Variants in MYO18B observed in about 807,000 individuals in gnomAD.
The protein encoded by MYO18B is myosin XVIIIB, also known as unconventional myosin-XVIIIb.
A neutral mutation model predicts 273.0 loss-of-function variants in MYO18B; 204 were observed. That is an observed-to-expected ratio of 0.75 (90% confidence interval 0.67 to 0.84). The LOEUF (loss-of-function observed/expected upper bound fraction) is 0.84, where lower values mean the gene tolerates loss of function less well. Among genes scored for constraint, MYO18B ranks in the 40% least tolerant of loss-of-function variants. The pLI is 0.00. For missense variants in MYO18B, 3,212 were observed against 3,287.6 expected (o/e 0.98, Z 0.56); for synonymous variants, 1,330 against 1,305.7 (o/e 1.02, Z -0.40).
intron 35 of MYO18B, among the ~76,000 whole-genome samples, chr22:25,947,447 A>G (rs959678426): frequency 1.3e-5 from 2 of 151,054 alleles, no homozygotes; most frequent in Non-Finnish European, 2.9e-5. Flanking sequence ...AAATTCATAC[A>G]CACATACACC....
chr22:25,964,182 A>C (rs1411495953), intron 39 of MYO18B: 1 of 153,108 alleles, frequency 6.5e-6, no homozygotes, highest in African/African-American at 2.4e-5. Flanking sequence ...GTGAGGGGGG[A>C]AGGGGACACC....
chr22:25,788,371 G>A (rs1266018387), intron 11 of MYO18B, among the ~76,000 whole-genome samples: 9 of 152,192 alleles, frequency 5.9e-5, no homozygotes, highest in Non-Finnish European at 1.2e-4. Flanking sequence ...GTCAGGCTTA[G>A]CAAATCATAC....
chr22:25,970,996 TAGCAACTGGA>T (rs2093031106), intron 39 of MYO18B, among the ~76,000 whole-genome samples: 1 of 152,212 alleles, frequency 6.6e-6, no homozygotes, highest in African/African-American at 2.4e-5. Flanking sequence ...TGCACACAGG[TAGCAACTGGA>T]TGCTCTGATC....
At position 25,847,531 on chromosome 22, in the gene MYO18B, A is replaced by G. The variant is rs1413051696; in HGVS notation, c.3654A>G (p.Pro1218=). 1 of 1,574,454 alleles carries G rather than the reference A, an allele frequency of 6.4e-7. No individual in the cohort carries two copies. The highest frequency in any genetic ancestry group is 1.4e-5 in the African/African-American group (1 of 73,840). Residue 1218 remains proline, a synonymous_variant, in exon 20 of 44, where the codon CCA becomes CCG. Coordinates refer to ENST00000335473, the MANE Select transcript of MYO18B (RefSeq NM_032608.7). ...VESRSGQESP[P]PPQPGRDKPG... Reference sequence around the variant, plus strand: ...GCAGGAGTGGGCAGGAATCTCCACCACCACCGCAGCCTGGTAGAGACAAGC... The same window carrying G: ...GCAGGAGTGGGCAGGAATCTCCACCGCCACCGCAGCCTGGTAGAGACAAGC...
intron 11 of MYO18B, among the ~76,000 whole-genome samples, chr22:25,792,081 T>C (rs551025217): frequency 2.6e-5 from 4 of 152,326 alleles, no homozygotes; most frequent in African/African-American, 9.6e-5. Flanking sequence ...GGGTCACTTC[T>C]CCCAGCCTCA....
intron 36 of MYO18B, 28 bp downstream of exon 36, chr22:25,947,856 GC>G: frequency 6.4e-7 from 1 of 1,569,148 alleles, no homozygotes; most frequent in Non-Finnish European, 8.8e-7. Context: ...GGTGGAAGAA[GC>G]TCAGGGACTT....
chr22:25,895,532 A>T lies in MYO18B; in HGVS notation c.4668+252A>T, dbSNP rs923968802. 6.8e-5 allele frequency: 24 copies of T among 352,690 alleles called. 1 individual carries two copies. In the Admixed American group the frequency reaches 8.4e-4, roughly 12 times the overall value. The allele number at this position is 352,690 out of a possible 1,614,324, so 21.8% of individuals were successfully genotyped here. A position where few individuals can be genotyped will look rare whatever the true frequency, so the allele number is the denominator to read the frequency against. On this transcript the variant is annotated intron_variant, in intron 28 of 43. Transcript: ENST00000335473. Reference sequence around the variant, plus strand: ...TAAAGAACATGGATATTAACTCAGGATATCTGAGTTCCAGTTCCATTTCTA... The same window carrying T: ...TAAAGAACATGGATATTAACTCAGGTTATCTGAGTTCCAGTTCCATTTCTA...
At chr22:25,985,982 C>T (rs929376216) in intron 39 of MYO18B, among the ~76,000 whole-genome samples, 1 of 152,218 alleles carries the variant, frequency 6.6e-6, no homozygotes, top group African/African-American at 2.4e-5. Flanking sequence ...AGCCTCATTT[C>T]TCCCAGGCAA....
chr22:25,767,542 T>C (rs983688588), intron 3 of MYO18B, among the ~76,000 whole-genome samples: 1 of 152,178 alleles, frequency 6.6e-6, no homozygotes, highest in Admixed American at 6.5e-5. Flanking sequence ...GAAGAGATGG[T>C]AGCCCAGATA....
intron 1 of MYO18B, among the ~76,000 whole-genome samples, chr22:25,760,179 G>A (rs1347910455): frequency 2.0e-5 from 3 of 152,042 alleles, no homozygotes; most frequent in Non-Finnish European, 4.4e-5. Context: ...ACTTTGGGAG[G>A]CTGAAGCAGG....
chr22:25,955,056 GTATTCT>G, intron 38 of MYO18B, 117 bp from the exon 39 acceptor site: 1 of 1,045,892 alleles, frequency 9.6e-7, no homozygotes, highest in Non-Finnish European at 1.3e-6. Flanking sequence ...GCAGACATCA[GTATTCT>G]TATCCTGATT....
At chr22:25,757,841 G>C (rs1453293330) in intron 1 of MYO18B, among the ~76,000 whole-genome samples, 2 of 152,168 alleles carry the variant, frequency 1.3e-5, no homozygotes, top group Admixed American at 6.5e-5. Context: ...ATTTTGGACA[G>C]CTCTGGTGTG....
chr22:25,977,615 C>T (rs77927258), intron 39 of MYO18B, among the ~76,000 whole-genome samples: 15 of 152,202 alleles, frequency 9.9e-5, no homozygotes, highest in African/African-American at 3.4e-4. Flanking sequence ...GTACAGAGCA[C>T]ATGCCTGAGT....
chr22:25,845,625 A>G (rs115914521), intron 18 of MYO18B, among the ~76,000 whole-genome samples: 169 of 152,360 alleles, frequency 1.1e-3, no homozygotes, highest in African/African-American at 4.0e-3. Flanking sequence ...CTGCTCAGGT[A>G]TCAGGCTGGG....
At chr22:25,778,881 A>T (rs1015610145) in intron 8 of MYO18B, among the ~76,000 whole-genome samples, 1 of 151,798 alleles carries the variant, frequency 6.6e-6, no homozygotes, top group Admixed American at 6.6e-5. Context: ...AGATTCAGAG[A>T]CGTTAACTAG....
chr22:25,801,961 C>T (rs910520), intron 12 of MYO18B, among the ~76,000 whole-genome samples: 1 of 151,888 alleles, frequency 6.6e-6, no homozygotes, highest in East Asian at 2.0e-4. Flanking sequence ...CCCAAGTACC[C>T]TGTGTTCCTG....
intron 21 of MYO18B, among the ~76,000 whole-genome samples, chr22:25,864,337 T>C (rs2090825771): frequency 6.6e-6 from 1 of 152,266 alleles, no homozygotes; most frequent in Non-Finnish European, 1.5e-5. Context: ...GGAAATTTTA[T>C]CCATATTTAT....
At chr22:26,041,105 A>G in the MYO18B span, among the ~76,000 whole-genome samples, 1 of 152,192 alleles carries the variant, frequency 6.6e-6, no homozygotes. Context: ...ATGTGGCCCA[A>G]CAGAAACTCA....
chr22:25,813,382 T>G (rs2088853937), intron 12 of MYO18B, among the ~76,000 whole-genome samples: 3 of 151,978 alleles, frequency 2.0e-5, no homozygotes, highest in African/African-American at 7.2e-5. Context: ...TCTGTGCCTA[T>G]TGGATGATAA....
Sources: gnomAD v4.1 joint callset for allele counts (sites outside exome capture counted in the v4.1 genomes callset) on GRCh38, gnomAD v4.1.1 for gene constraint, MANE v1.5 for transcripts, NCBI Gene and HGNC (gene_info 2026-07-23, HGNC 2026-07-21) for gene names.